ESR1: variants seen among roughly 807,000 people sequenced by gnomAD.
ESR1 encodes the protein estrogen receptor 1, also known as estrogen receptor.
A neutral mutation model predicts 52.7 loss-of-function variants in ESR1; 12 were observed. That is an observed-to-expected ratio of 0.23 (90% confidence interval 0.15 to 0.37). The LOEUF is 0.37. ESR1 is among the 10% of genes least tolerant of loss of function. ESR1 has a pLI of 1.00. For synonymous variants in ESR1, 305 were observed against 316.8 expected, an observed-to-expected ratio of 0.96 and a Z score of 0.39; for missense variants, 584 against 779.7, an observed-to-expected ratio of 0.75 and a Z score of 2.99.
At chr6:152,110,290 A>G (rs1278057874) in intron 6 of ESR1, among the ~76,000 whole-genome samples, 1 of 152,218 alleles carries the variant, frequency 6.6e-6, no homozygotes. Context: ...ATGCCTGTCA[A>G]TGGTAGACTG....
At chr6:151,792,365 T>G (rs1776246321) in intron 2 of ESR1, among the ~76,000 whole-genome samples, 1 of 152,256 alleles carries the variant, frequency 6.6e-6, no homozygotes, top group African/African-American at 2.4e-5. Context: ...ATACACTAAA[T>G]TTATTAAAAA....
At chr6:151,898,791 G>A (rs1795974295) in intron 3 of ESR1, among the ~76,000 whole-genome samples, 1 of 152,114 alleles carries the variant, frequency 6.6e-6, no homozygotes. Flanking sequence ...AGTCTCCCAC[G>A]TCTACCTCTT....
intron 5 of ESR1, among the ~76,000 whole-genome samples, chr6:152,018,967 T>G (rs915119925): frequency 5.9e-5 from 9 of 152,198 alleles, no homozygotes; most frequent in Non-Finnish European, 1.0e-4. Flanking sequence ...CTAGTTTCTA[T>G]TTTGACTGTG....
chr6:151,912,111 A>G (rs1798356838), intron 3 of ESR1, among the ~76,000 whole-genome samples: 1 of 152,228 alleles, frequency 6.6e-6, no homozygotes, highest in Non-Finnish European at 1.5e-5. Context: ...TTCTATCACC[A>G]CAGAGAGTGC....
intron 2 of ESR1, among the ~76,000 whole-genome samples, chr6:151,747,085 A>G (rs1286173246): frequency 6.6e-6 from 1 of 152,256 alleles, no homozygotes; most frequent in Non-Finnish European, 1.5e-5. Flanking sequence ...CAAAAAATAT[A>G]CACGTATGTC....
At chr6:151,729,318 C>G (rs1782072392) in intron 2 of ESR1, among the ~76,000 whole-genome samples, 1 of 151,990 alleles carries the variant, frequency 6.6e-6, no homozygotes, top group Admixed American at 6.6e-5. Flanking sequence ...TTCCCAGCCT[C>G]CAGAACCATG....
intron 3 of ESR1, among the ~76,000 whole-genome samples, chr6:151,936,669 A>G (rs1488714139): frequency 1.3e-5 from 2 of 152,206 alleles, no homozygotes; most frequent in East Asian, 3.9e-4. Flanking sequence ...AAACTGGACA[A>G]AACACTGGAC....
downstream of ESR1, among the ~76,000 whole-genome samples, chr6:152,103,499 T>G (rs909008144): frequency 2.6e-5 from 4 of 152,152 alleles, no homozygotes; most frequent in African/African-American, 9.7e-5. Context: ...ACTTACAAAT[T>G]TTATGATCAT....
At chr6:151,812,805 A>G (rs867834519) in intron 1 of ESR1, among the ~76,000 whole-genome samples, 8 of 152,290 alleles carry the variant, frequency 5.3e-5, no homozygotes, top group Non-Finnish European at 7.4e-5. Flanking sequence ...AACCATATGC[A>G]TACTCCAGAG....
chr6:152,002,800 T>C (rs971753027), intron 4 of ESR1, among the ~76,000 whole-genome samples: 4 of 152,032 alleles, frequency 2.6e-5, no homozygotes, highest in Non-Finnish European at 4.4e-5. Context: ...TTGCCTTTGC[T>C]GAACAAAAAT....
chr6:151,752,476 T>C lies in ESR1; in HGVS notation c.-71+50471T>C, dbSNP rs1421845745. ...TATCTATACTGCAACTGCTTTTTTTTTTTTTTTTTAGAAATCTATAATATT... is the reference window on the plus strand; with the variant it reads ...TATCTATACTGCAACTGCTTTTTTTCTTTTTTTTTAGAAATCTATAATATT... On this transcript the variant is annotated intron_variant, in intron 2 of 2. Coordinates refer to the ESR1 transcript ENST00000404742. 3.3e-5 allele frequency among the ~76,000 whole-genome samples: 5 copies of C among 151,926 alleles called. No individual in the cohort carries two copies. In the South Asian group the frequency reaches 1.0e-3, roughly 32 times the overall value.
chr6:151,799,814 A>G (rs1777057247), upstream of ESR1, among the ~76,000 whole-genome samples: 1 of 152,200 alleles, frequency 6.6e-6, no homozygotes, highest in Admixed American at 6.5e-5. Context: ...GTCAGATGAA[A>G]AGGGATGGGA....
chr6:151,887,329 A>G (rs1794021091), intron 3 of ESR1, among the ~76,000 whole-genome samples: 1 of 151,984 alleles, frequency 6.6e-6, no homozygotes. Context: ...TGAAACTATT[A>G]TTTTATTAAT....
At chr6:151,913,218 C>T (rs1798546340) in intron 3 of ESR1, among the ~76,000 whole-genome samples, 1 of 152,100 alleles carries the variant, frequency 6.6e-6, no homozygotes, top group Non-Finnish European at 1.5e-5. Context: ...TGACCCTCGG[C>T]CTCTACTCCC....
intron 3 of ESR1, among the ~76,000 whole-genome samples, chr6:151,903,952 A>G (rs915031391): frequency 2.0e-5 from 3 of 152,220 alleles, no homozygotes; most frequent in Admixed American, 6.5e-5. Flanking sequence ...CTAGCACAGC[A>G]GTATTTTTGT....
intron 3 of ESR1, among the ~76,000 whole-genome samples, chr6:151,916,206 G>A (rs977154062): frequency 3.3e-5 from 5 of 152,148 alleles, no homozygotes; most frequent in African/African-American, 9.7e-5. Flanking sequence ...ACTTTGTTTG[G>A]TTTTAATGGG....
chr6:152,053,243 T>C lies in ESR1; in HGVS notation c.1236-7748T>C, dbSNP rs150930470. 1.4e-3 allele frequency among the ~76,000 whole-genome samples: 218 copies of C among 152,066 alleles called. 1 individual carries two copies. Among genetic ancestry groups the C allele is most frequent in the African/African-American group, 5.0e-3 (207 of 41,518 alleles). ...CCTTAGTCTATCTCACTCTACCATC[T>C]TTTCCTTTGGACCTTCTGACATTCA... On this transcript the variant is annotated intron_variant, in intron 5 of 7. Transcript: ENST00000206249. The surrounding 1 kb of genome is among the most constrained non-coding windows in gnomAD (Gnocchi z 4.1).
chr6:151,887,933 A>G (rs1341489488), intron 3 of ESR1, among the ~76,000 whole-genome samples: 1 of 152,048 alleles, frequency 6.6e-6, no homozygotes, highest in Non-Finnish European at 1.5e-5. Context: ...AGAAACATTT[A>G]TCAAAGAAAC....
At chr6:151,879,319 C>T (rs1394679513) in intron 2 of ESR1, among the ~76,000 whole-genome samples, 1 of 152,118 alleles carries the variant, frequency 6.6e-6, no homozygotes, top group Non-Finnish European at 1.5e-5. Flanking sequence ...CAACGCGATT[C>T]ATTGGTAATC....
Sources: allele counts gnomAD v4.1 joint callset (sites outside exome capture counted in the v4.1 genomes callset), GRCh38; gene constraint gnomAD v4.1.1; non-coding constraint Gnocchi (gnomAD v3.1); transcripts MANE v1.5; gene names NCBI Gene and HGNC (gene_info 2026-07-23, HGNC 2026-07-21).